GRM7: variants seen among roughly 807,000 people sequenced by gnomAD.
The protein encoded by GRM7 is glutamate metabotropic receptor 7, also known as metabotropic glutamate receptor 7.
A neutral mutation model predicts 84.5 loss-of-function variants in GRM7; 35 were observed. That is an observed-to-expected ratio of 0.41 (90% CI 0.32 to 0.55). The LOEUF (loss-of-function observed/expected upper bound fraction) is 0.55. Ranked by LOEUF, GRM7 falls within the 20% of genes least tolerant of loss-of-function variation. The pLI is 0.19. For missense variants in GRM7, 1,003 were observed against 1,194.6 expected, an observed-to-expected ratio of 0.84 and a Z score of 2.36; for synonymous variants, 487 against 455.1, an observed-to-expected ratio of 1.07 and a Z score of -0.89.
chr3:7,623,388 CT>C (rs1490693455), intron 8 of GRM7, among the ~76,000 whole-genome samples: 1 of 152,120 alleles, frequency 6.6e-6, no homozygotes, highest in East Asian at 1.9e-4. Flanking sequence ...CTTCATGTAT[CT>C]TAAATTTTTT....
At chr3:7,155,710 C>A (rs913922306) in intron 2 of GRM7, among the ~76,000 whole-genome samples, 7 of 152,084 alleles carry the variant, frequency 4.6e-5, no homozygotes, top group African/African-American at 1.7e-4. Flanking sequence ...GCTGTTAAAT[C>A]TCTCAAGAGA....
intron 4 of GRM7, among the ~76,000 whole-genome samples, chr3:7,332,771 C>G (rs1380560085): frequency 6.6e-6 from 1 of 152,178 alleles, no homozygotes; most frequent in African/African-American, 2.4e-5. Context: ...CTGCTGCAAG[C>G]TCTGTGAGAC....
intron 1 of GRM7, among the ~76,000 whole-genome samples, chr3:6,881,563 C>A (rs1401142112): frequency 2.6e-5 from 4 of 151,236 alleles, no homozygotes; most frequent in Admixed American, 2.0e-4. Context: ...GGTCTAATAC[C>A]CACAATCTAC....
intron 1 of GRM7, among the ~76,000 whole-genome samples, chr3:6,957,001 A>G (rs887911620): frequency 2.0e-5 from 3 of 152,234 alleles, no homozygotes; most frequent in Non-Finnish European, 4.4e-5. Flanking sequence ...AAAAATAGCT[A>G]GATGACTATT....
At chr3:7,455,961 A>G (rs1183048600) in intron 6 of GRM7, among the ~76,000 whole-genome samples, 1 of 152,134 alleles carries the variant, frequency 6.6e-6, no homozygotes, top group Non-Finnish European at 1.5e-5. Flanking sequence ...AAGAGGCACC[A>G]CATTCAATAT....
chr3:7,671,417 A>T (rs1157252163), intron 8 of GRM7, among the ~76,000 whole-genome samples: 1 of 152,108 alleles, frequency 6.6e-6, no homozygotes, highest in Non-Finnish European at 1.5e-5. Flanking sequence ...GATGCAGGTG[A>T]TTCCAAGCAT....
At chr3:7,128,105 A>T (rs1344394165) in intron 1 of GRM7, among the ~76,000 whole-genome samples, 1 of 151,394 alleles carries the variant, frequency 6.6e-6, no homozygotes, top group Non-Finnish European at 1.5e-5. Flanking sequence ...TATATATAAT[A>T]CTTATAATAA....
intron 8 of GRM7, among the ~76,000 whole-genome samples, chr3:7,616,108 G>A (rs1575558808): frequency 6.6e-6 from 1 of 151,978 alleles, no homozygotes; most frequent in Admixed American, 6.6e-5. Flanking sequence ...GTTCAATAAT[G>A]CTCTATTTAG....
At chr3:6,970,761 C>T (rs1693719367) in intron 1 of GRM7, among the ~76,000 whole-genome samples, 1 of 152,092 alleles carries the variant, frequency 6.6e-6, no homozygotes, top group African/African-American at 2.4e-5. Context: ...GGGCGGATCA[C>T]GAGGTCAGGA....
intron 1 of GRM7, among the ~76,000 whole-genome samples, chr3:7,035,117 A>C (rs1382363684): frequency 6.6e-6 from 1 of 152,086 alleles, no homozygotes; most frequent in African/African-American, 2.4e-5. Flanking sequence ...CTGCACCCCC[A>C]AGAGCACTGT....
At chr3:7,267,948 T>C (rs1284289063) in intron 2 of GRM7, among the ~76,000 whole-genome samples, 2 of 152,092 alleles carry the variant, frequency 1.3e-5, no homozygotes, top group Non-Finnish European at 2.9e-5. Flanking sequence ...ATTGGTTCAG[T>C]TTCAGAAGGC....
chr3:7,030,964 A>T (rs1338771700), intron 1 of GRM7, among the ~76,000 whole-genome samples: 2 of 152,206 alleles, frequency 1.3e-5, no homozygotes, highest in Admixed American at 1.3e-4. Flanking sequence ...CAAATCTTGG[A>T]ATAGATGAAA....
chr3:7,439,609 G>T (rs1448125286), intron 5 of GRM7, among the ~76,000 whole-genome samples: 2 of 152,188 alleles, frequency 1.3e-5, no homozygotes, highest in Non-Finnish European at 2.9e-5. Flanking sequence ...ACATACAGGG[G>T]TTAGGAATAA....
intron 1 of GRM7, among the ~76,000 whole-genome samples, chr3:7,088,008 G>A (rs980284395): frequency 2.6e-5 from 4 of 152,158 alleles, no homozygotes; most frequent in African/African-American, 4.8e-5. Context: ...GTGAATCACT[G>A]GGCAAAGTAG....
intron 4 of GRM7, among the ~76,000 whole-genome samples, chr3:7,343,938 G>A (rs951186941): frequency 6.6e-6 from 1 of 152,090 alleles, no homozygotes; most frequent in African/African-American, 2.4e-5. Context: ...GGAGTTTGGT[G>A]CCTGGATGTA....
chr3:7,578,564 A>T lies in GRM7; in HGVS notation c.1658A>T (p.Tyr553Phe), dbSNP rs1695074315. ...TGTGAGCCTTGCGATGGTTACCAGT[A>T]CCAGTTTGATGAGATGACATGCCAG... ...WTCEPCDGYQ[Y>F]QFDEMTCQHC... is the part of the protein sequence containing the mutation. Residue 553 changes from tyrosine (Y) to phenylalanine (F), a missense_variant, in exon 8 of 10, where the codon TAC becomes TTC. Tyr to Phe is a conservative substitution (Grantham distance 22). Transcript: ENST00000357716. 2 of 1,613,970 alleles carry T rather than the reference A, an allele frequency of 1.2e-6. No individual in the cohort carries two copies. The highest frequency in any genetic ancestry group is 1.7e-5 in the Admixed American group (1 of 60,004).
chr3:7,649,358 G>A lies in GRM7; in HGVS notation c.2452-30691G>A, dbSNP rs569372952. 2.1e-4 allele frequency among the ~76,000 whole-genome samples: 32 copies of A among 152,184 alleles called. 2 individuals are homozygous for A. Among genetic ancestry groups the A allele is most frequent in the Middle Eastern group, 6.8e-3 (2 of 294 alleles). ...TGCTGGGATTACAGCAAAGTGCTGG[G>A]ATTACAGGTGTGAGCCACCGCGCCC... On this transcript the variant is annotated intron_variant, in intron 8 of 9. Transcript: ENST00000357716.
intron 1 of GRM7, among the ~76,000 whole-genome samples, chr3:7,094,904 A>G (rs77990308): frequency 0.063 from 9,626 of 152,182 alleles, 324 homozygotes; most frequent in Middle Eastern, 0.11. Context: ...ACATTACAGT[A>G]TTTAGCCCAT....
chr3:7,604,288 C>T (rs1696458171), intron 8 of GRM7, among the ~76,000 whole-genome samples: 1 of 152,120 alleles, frequency 6.6e-6, no homozygotes, highest in South Asian at 2.1e-4. Flanking sequence ...TGATTATTTA[C>T]ATAGGTGGAA....
Sources: gnomAD v4.1 joint callset for allele counts (sites outside exome capture counted in the v4.1 genomes callset) on GRCh38, gnomAD v4.1.1 for gene constraint, MANE v1.5 for transcripts, NCBI Gene and HGNC (gene_info 2026-07-23, HGNC 2026-07-21) for gene names.